The following FRS2 variants were observed in gnomAD, a reference collection of about 807,000 sequenced individuals.
FRS2 encodes the protein FGFR signalling adaptor.
FRS2 carries 8 observed loss-of-function variants against 43.9 expected under a neutral mutation model. The observed-to-expected ratio is 0.18, with a 90% CI of 0.11 to 0.33. FRS2 has a LOEUF of 0.33. Among genes scored for constraint, FRS2 ranks in the 10% least tolerant of loss-of-function variants. The pLI is 1.00. For missense variants in FRS2, 534 were observed against 627.6 expected (o/e 0.85, Z 1.59); for synonymous variants, 219 against 220.3 (o/e 0.99, Z 0.05).
chr12:69,556,515 G>A (rs955675039), intron 3 of FRS2, among the ~76,000 whole-genome samples: 10 of 152,014 alleles, frequency 6.6e-5, no homozygotes, highest in Admixed American at 3.3e-4. Context: ...GTATAGAGAC[G>A]GGGTTTCATT....
chr12:69,538,195 TTTTATATATATATATA>T (rs1285704432), intron 3 of FRS2, among the ~76,000 whole-genome samples: 1 of 76,892 alleles, frequency 1.3e-5, no homozygotes, highest in African/African-American at 7.3e-5. Flanking sequence ...AAAAAACAAA[TTTTATATATATATATA>T]TATATATATA....
At chr12:69,533,411 G>A (rs1347063305) in intron 3 of FRS2, among the ~76,000 whole-genome samples, 3 of 151,708 alleles carry the variant, frequency 2.0e-5, no homozygotes, top group Admixed American at 6.6e-5. Context: ...GTGCAATGGC[G>A]CGATCTTGGC....
chr12:69,568,749 TAG>T (rs1880505913), intron 4 of FRS2, among the ~76,000 whole-genome samples: 1 of 152,130 alleles, frequency 6.6e-6, no homozygotes, highest in Non-Finnish European at 1.5e-5. Flanking sequence ...GATTTTAGAA[TAG>T]GTGACCTTTG....
At chr12:69,552,098 G>C (rs1029405358) in intron 3 of FRS2, among the ~76,000 whole-genome samples, 4 of 151,814 alleles carry the variant, frequency 2.6e-5, no homozygotes, top group African/African-American at 9.7e-5. Flanking sequence ...CTGATGTCAG[G>C]AGTTCGAGAC....
chr12:69,494,479 T>C (rs1171822109), intron 1 of FRS2, among the ~76,000 whole-genome samples: 1 of 152,144 alleles, frequency 6.6e-6, no homozygotes, highest in Non-Finnish European at 1.5e-5. Context: ...AGCTAATGAG[T>C]TGTGGAGCTG....
intron 1 of FRS2, among the ~76,000 whole-genome samples, chr12:69,474,472 G>A (rs577910295): frequency 5.9e-5 from 9 of 152,256 alleles, no homozygotes; most frequent in African/African-American, 1.4e-4. Context: ...AAAACAGAAG[G>A]AAATATGCTA....
chr12:69,513,086 G>A (rs1292968356), intron 1 of FRS2, among the ~76,000 whole-genome samples: 1 of 151,370 alleles, frequency 6.6e-6, no homozygotes, highest in Non-Finnish European at 1.5e-5. Context: ...TAATGCATGA[G>A]CATGAACCTT....
intron 3 of FRS2, among the ~76,000 whole-genome samples, chr12:69,532,748 T>G (rs1025336340): frequency 1.3e-5 from 2 of 152,224 alleles, no homozygotes; most frequent in Non-Finnish European, 2.9e-5. Flanking sequence ...TAGGGCTTTT[T>G]AAAATAAGTA....
intron 3 of FRS2, among the ~76,000 whole-genome samples, chr12:69,540,002 C>T (rs1339716794): frequency 6.9e-6 from 1 of 144,860 alleles, no homozygotes; most frequent in Non-Finnish European, 1.5e-5. Context: ...GCCTGTAATC[C>T]CAGCACTTTG....
chr12:69,547,482 G>A (rs1321316573), intron 3 of FRS2, among the ~76,000 whole-genome samples: 1 of 152,042 alleles, frequency 6.6e-6, no homozygotes, highest in Non-Finnish European at 1.5e-5. Context: ...AAAGAATTAC[G>A]AGATGGATGA....
At chr12:69,471,037 C>G (rs1348735489) in intron 1 of FRS2, among the ~76,000 whole-genome samples, 4 of 152,086 alleles carry the variant, frequency 2.6e-5, no homozygotes, top group Non-Finnish European at 5.9e-5. Flanking sequence ...GGATCTTTTG[C>G]AGGGCTTTTC....
chr12:69,508,388 A>T lies in FRS2; in HGVS notation c.-260-22477A>T, dbSNP rs374758547. On this transcript the variant is annotated intron_variant, in intron 1 of 8. Transcript: ENST00000549921. ...TAGGCTTTAGAATTGCTACATTCCC[A>T]AAGTATTTCTCTAGTGAATGACATA... Among the ~76,000 whole-genome samples, 14 of 152,332 alleles carry T rather than the reference A, an allele frequency of 9.2e-5. No individual in the cohort carries two copies. The East Asian group carries it at 1.5e-3, about 17-fold the overall frequency.
chr12:69,527,585 A>G (rs1876386205), intron 1 of FRS2, among the ~76,000 whole-genome samples: 1 of 152,086 alleles, frequency 6.6e-6, no homozygotes, highest in Admixed American at 6.5e-5. Flanking sequence ...ACTGCAGATT[A>G]TAATAGTGAA....
intron 3 of FRS2, chr12:69,538,126 C>T (rs1395624630): frequency 6.7e-6 from 1 of 149,878 alleles, no homozygotes; most frequent in Admixed American, 6.7e-5. Context: ...AGTCAAGAGC[C>T]ACCTTTCGTA....
At chr12:69,558,307 A>G (rs1281739635) in intron 3 of FRS2, among the ~76,000 whole-genome samples, 1 of 152,202 alleles carries the variant, frequency 6.6e-6, no homozygotes, top group East Asian at 1.9e-4. Flanking sequence ...GTTAAGTTAA[A>G]TTCTTCTTGT....
At chr12:69,546,120 C>G (rs1878383391) in intron 3 of FRS2, among the ~76,000 whole-genome samples, 1 of 151,930 alleles carries the variant, frequency 6.6e-6, no homozygotes, top group Admixed American at 6.6e-5. Context: ...TAAAAATGGG[C>G]CAAGGACTTG....
At chr12:69,515,366 T>A (rs1289231393) in intron 1 of FRS2, among the ~76,000 whole-genome samples, 1 of 152,264 alleles carries the variant, frequency 6.6e-6, no homozygotes, top group Non-Finnish European at 1.5e-5. Flanking sequence ...GATGATTAAA[T>A]AATTTCTTAT....
At chr12:69,494,519 T>A (rs565171210) in intron 1 of FRS2, among the ~76,000 whole-genome samples, 1 of 152,220 alleles carries the variant, frequency 6.6e-6, no homozygotes, top group East Asian at 1.9e-4. Context: ...TCTTTTAAAC[T>A]GGGGCTTCTA....
At chr12:69,535,224 A>G (rs564251757) in intron 3 of FRS2, among the ~76,000 whole-genome samples, 1 of 152,364 alleles carries the variant, frequency 6.6e-6, no homozygotes, top group South Asian at 2.1e-4. Context: ...GGTCAAACTA[A>G]CATCCCATTT....
Sources: allele counts gnomAD v4.1 joint callset (sites outside exome capture counted in the v4.1 genomes callset), GRCh38; gene constraint gnomAD v4.1.1; transcripts MANE v1.5; gene names NCBI Gene and HGNC (gene_info 2026-07-23, HGNC 2026-07-21).